The following MACROD2 variants were observed in gnomAD, a reference collection of about 807,000 sequenced individuals.
The protein encoded by MACROD2 is mono-ADP ribosylhydrolase 2, also known as ADP-ribose glycohydrolase MACROD2.
MACROD2 carries 36 observed loss-of-function variants against 70.4 expected under a neutral mutation model. The ratio of observed to expected loss-of-function variants is 0.51; its 90% CI spans 0.39 to 0.68. The LOEUF is 0.68. Among genes scored for constraint, MACROD2 ranks in the 30% least tolerant of loss-of-function variants. The probability of loss-of-function intolerance (pLI) is 0.00; values close to 1 mark genes in which losing one functional copy is unlikely to be tolerated. For synonymous variants in MACROD2, 172 were observed against 178.8 expected (o/e 0.96, Z 0.30); for missense variants, 496 against 538.4 (o/e 0.92, Z 0.78).
At chr20:15,786,309 ATGAGT>A (rs1160736189) in intron 8 of MACROD2, among the ~76,000 whole-genome samples, 2 of 152,150 alleles carry the variant, frequency 1.3e-5, no homozygotes, top group African/African-American at 4.8e-5. Flanking sequence ...ATGAGAAAAC[ATGAGT>A]TGAGAAACAT....
chr20:15,346,902 T>C (rs1600272234), intron 6 of MACROD2, among the ~76,000 whole-genome samples: 3 of 152,116 alleles, frequency 2.0e-5, no homozygotes, highest in Admixed American at 1.3e-4. Context: ...CTGAAATCTC[T>C]GGGGCTGAAA....
At chr20:14,051,852 G>A (rs2053571734) in intron 2 of MACROD2, 2 of 499,792 alleles carry the variant, frequency 4.0e-6, no homozygotes, top group Admixed American at 4.1e-5. Context: ...TTTGTGAGGA[G>A]ATGGATATGA....
rs186056939 is a variant in MACROD2, at chr20:15,486,679, A to T, written c.572-13095A>T. Among the ~76,000 whole-genome samples the T allele has an allele frequency of 7.6e-4, 116 of 152,280 alleles. 2 individuals are homozygous for T. Among genetic ancestry groups the T allele is most frequent in the African/African-American group, 2.6e-3 (107 of 41,562 alleles). ...TTGGTATGAAGGATTTATTATGCAG[A>T]GAATATTTTTACCTTGGACAGATAG... On this transcript the variant is annotated intron_variant, in intron 7 of 17. Transcript: ENST00000684519.
intron 8 of MACROD2, among the ~76,000 whole-genome samples, chr20:15,767,380 A>AG (rs55641237): frequency 0.48 from 73,195 of 151,610 alleles, 18,523 homozygotes; most frequent in African/African-American, 0.65. Context: ...CCATATTCCT[A>AG]AAATTTTGTA....
In MACROD2 at chr20:15,627,548, G is replaced by T. The variant is rs556917092; in HGVS notation, c.645+127701G>T. Among the ~76,000 whole-genome samples, 160 of 152,218 alleles carry T rather than the reference G, an allele frequency of 1.1e-3. 2 individuals are homozygous for T. The highest frequency in any genetic ancestry group is 1.9e-4 in the Non-Finnish European group (13 of 68,010). On this transcript the variant is annotated intron_variant, in intron 8 of 17. Transcript: ENST00000684519. ...CTAAAATGGATGCTTGCTGCTGATT[G>T]GCTGGGGCAGAGATGAAATCATAGT...
intron 5 of MACROD2, among the ~76,000 whole-genome samples, chr20:15,121,097 T>C (rs2076026763): frequency 1.3e-5 from 2 of 152,192 alleles, no homozygotes; most frequent in African/African-American, 4.8e-5. Context: ...ACAGCTATTC[T>C]ATGAAGAAAA....
intron 4 of MACROD2, among the ~76,000 whole-genome samples, chr20:14,595,597 T>TGACC (rs1177527759): frequency 6.6e-6 from 1 of 152,240 alleles, no homozygotes; most frequent in Admixed American, 6.5e-5. Context: ...TTCTAATCAC[T>TGACC]GACCGAATTA....
At chr20:14,835,525 G>GACTT (rs1568824064) in intron 5 of MACROD2, among the ~76,000 whole-genome samples, 1 of 151,986 alleles carries the variant, frequency 6.6e-6, no homozygotes. Flanking sequence ...TAGAGAAAAA[G>GACTT]ACTTAGAAAT....
rs1032522943 is a variant in MACROD2 at position 15,930,262 on chromosome 20, T to A, written c.776-3014T>A. Among the ~76,000 whole-genome samples, 19 of 152,182 alleles carry A rather than the reference T, an allele frequency of 1.2e-4. 2 individuals are homozygous for A. The highest frequency in any genetic ancestry group is 9.8e-4 in the Admixed American group (15 of 15,274). On this transcript the variant is annotated intron_variant, in intron 10 of 17. Transcript: ENST00000684519. ...CAAGGCTGATAAAAAAGAAAGCTTG[T>A]CCTTATCAAAGACTTACGGGTAACT...
At chr20:14,687,496 A>G (rs1407277635) in intron 5 of MACROD2, among the ~76,000 whole-genome samples, 4 of 152,208 alleles carry the variant, frequency 2.6e-5, no homozygotes, top group Admixed American at 6.5e-5. Context: ...CAGTGAGTCA[A>G]TACCAGTGCT....
intron 15 of MACROD2, among the ~76,000 whole-genome samples, chr20:16,040,332 T>C (rs1280678678): frequency 6.6e-6 from 1 of 151,952 alleles, no homozygotes; most frequent in African/African-American, 2.4e-5. Flanking sequence ...AAGTTTAACA[T>C]ACTCTGGACA....
intron 2 of MACROD2, among the ~76,000 whole-genome samples, chr20:14,002,713 G>A (rs2052750044): frequency 6.6e-6 from 1 of 151,998 alleles, no homozygotes; most frequent in Admixed American, 6.6e-5. Flanking sequence ...TGCTTTGGTG[G>A]TGTGGCCCTT....
chr20:14,338,761 A>G (rs2082980075), intron 3 of MACROD2, among the ~76,000 whole-genome samples: 1 of 152,172 alleles, frequency 6.6e-6, no homozygotes, highest in African/African-American at 2.4e-5. Flanking sequence ...GACAATTGTA[A>G]GACGTGGAGA....
intron 5 of MACROD2, among the ~76,000 whole-genome samples, chr20:14,921,841 A>G (rs1238792479): frequency 6.6e-6 from 1 of 152,216 alleles, no homozygotes; most frequent in Non-Finnish European, 1.5e-5. Flanking sequence ...CCATATTAGC[A>G]TGTAATGTGC....
rs1246489441 is a variant in MACROD2 at position 15,933,165 on chromosome 20, G to A, written c.776-111G>A. The A allele has an allele frequency of 4.4e-5, 43 of 968,508 alleles. No individual in the cohort carries two copies. The South Asian group carries it at 6.2e-4, about 14-fold the overall frequency. The allele number at this position is 968,508 out of a possible 1,614,324, so 60.0% of individuals were successfully genotyped here. ...TTCATCTCTCTGCCTGGCTTTATGG[G>A]GAGTCATGCTACATTGGTTACAATT... On this transcript the variant is annotated intron_variant, in intron 10 of 17. Coordinates refer to ENST00000684519, the MANE Select transcript of MACROD2 (RefSeq NM_001351661.2).
intron 3 of MACROD2, among the ~76,000 whole-genome samples, chr20:14,307,935 A>T (rs915105172): frequency 2.6e-5 from 4 of 152,132 alleles, no homozygotes; most frequent in Admixed American, 6.6e-5. Context: ...GCTAAAGTTG[A>T]TTGTGTTCAT....
chr20:15,241,934 G>A (rs1336187187), intron 6 of MACROD2, among the ~76,000 whole-genome samples: 4 of 152,082 alleles, frequency 2.6e-5, no homozygotes, highest in Admixed American at 2.6e-4. Context: ...TCTCCATTAG[G>A]TTCAGGCTTT....
intron 7 of MACROD2, among the ~76,000 whole-genome samples, chr20:15,454,182 G>A (rs766421680): frequency 6.6e-6 from 1 of 152,074 alleles, no homozygotes; most frequent in Non-Finnish European, 1.5e-5. Context: ...TCATTTTTGT[G>A]TGCTTTAACT....
intron 5 of MACROD2, among the ~76,000 whole-genome samples, chr20:15,009,965 T>C (rs2075069708): frequency 6.6e-6 from 1 of 152,114 alleles, no homozygotes; most frequent in South Asian, 2.1e-4. Context: ...TTTGTTTTCT[T>C]AACCTCAGCT....
Sources: allele counts gnomAD v4.1 joint callset (sites outside exome capture counted in the v4.1 genomes callset), GRCh38; gene constraint gnomAD v4.1.1; transcripts MANE v1.5; gene names NCBI Gene and HGNC (gene_info 2026-07-23, HGNC 2026-07-21).